Variants in LGSN observed in about 807,000 individuals in gnomAD.
LGSN encodes the protein lengsin, lens protein with glutamine synthetase domain.
A neutral mutation model predicts 19.5 loss-of-function variants in LGSN; 21 were observed. The observed-to-expected ratio is 1.07, with a 90% CI of 0.76 to 1.55. The LOEUF is 1.55. Among genes scored for constraint, LGSN ranks in the 40% most tolerant of loss-of-function variants. The pLI is 0.00. For missense variants in LGSN, 673 were observed against 608.5 expected, an observed-to-expected ratio of 1.11 and a Z score of -1.12; for synonymous variants, 257 against 215.6, an observed-to-expected ratio of 1.19 and a Z score of -1.68.
At chr6:63,572,832 C>T in the LGSN span, 2 of 395,246 alleles carry the variant, frequency 5.1e-6, no homozygotes, top group Admixed American at 4.4e-5. Context: ...CCCCGGGTTG[C>T]GGTTCCGGTG....
chr6:63,291,456 C>G (rs1012617093), intron 2 of LGSN, among the ~76,000 whole-genome samples: 1 of 152,050 alleles, frequency 6.6e-6, no homozygotes, highest in African/African-American at 2.4e-5. Flanking sequence ...ATGACTTTCC[C>G]CTGGAGTTCG....
At chr6:63,466,483 T>C in the LGSN span, among the ~76,000 whole-genome samples, 1 of 152,246 alleles carries the variant, frequency 6.6e-6, no homozygotes, top group East Asian at 1.9e-4. Context: ...CTGGCTACTG[T>C]GGAGAATAGG....
chr6:63,572,295 G>C, the LGSN span: 2 of 198,266 alleles, frequency 1.0e-5, no homozygotes, highest in Non-Finnish European at 2.0e-5. Context: ...GGGATGCTCC[G>C]ACTCGGCGCT....
the LGSN span, among the ~76,000 whole-genome samples, chr6:63,490,533 A>T: frequency 1.2e-3 from 180 of 152,280 alleles, 1 homozygote; most frequent in Middle Eastern, 0.02. Context: ...CCAAAGAAAC[A>T]GATCCAAAAG....
the LGSN span, among the ~76,000 whole-genome samples, chr6:63,393,037 C>T: frequency 2.6e-5 from 4 of 151,796 alleles, no homozygotes; most frequent in Admixed American, 2.6e-4. Context: ...CAGGCGCCCA[C>T]CACCACGCCC....
rs1416670023 is a variant in LGSN at position 63,280,248 on chromosome 6, T to G, written c.1303A>C (p.Asn435His). Reference sequence around the variant, plus strand: ...TCATCTGGACCAGCCAAGACCTCATTACTGCTATGAAGTCCATCTAAGCCG... The same window carrying G: ...TCATCTGGACCAGCCAAGACCTCATGACTGCTATGAAGTCCATCTAAGCCG... ...AAGLDGLHSSNEVLAGPDEST... is the reference protein window; with the variant it reads ...AAGLDGLHSSHEVLAGPDEST... Residue 435 changes from asparagine (N) to histidine (H), a missense_variant, in exon 4 of 4, where the codon AAT becomes CAT. Transcript: ENST00000370657. 7.4e-6 allele frequency: 12 copies of G among 1,614,224 alleles called. No homozygotes were observed. Among genetic ancestry groups the G allele is most frequent in the Non-Finnish European group, 1.0e-5 (12 of 1,180,026 alleles).
chr6:63,317,500 C>T lies in LGSN; in HGVS notation c.30+2414G>A, dbSNP rs73761820. ...TTCTTAAATGGAGAGCTAGTTGATA[C>T]ACTGGAAGTAGGTAAGTTTGAGGTA... is the stretch of plus-strand genomic sequence containing the variant. On this transcript the variant is annotated intron_variant, in intron 1 of 3. Transcript: ENST00000370657. 4.0e-3 allele frequency among the ~76,000 whole-genome samples: 607 copies of T among 152,290 alleles called. 4 individuals are homozygous for T. Among genetic ancestry groups the T allele is most frequent in the African/African-American group, 0.014 (578 of 41,574 alleles).
chr6:63,280,713 C>A lies in LGSN; in HGVS notation c.838G>T (p.Asp280Tyr), dbSNP rs1433175300. ...FLPEFGISSA[D>Y]NAFTLRTGVK... ...CCTGTTCTGAGGGTAAATGCATTAT[C>A]AGCTGAGCTAATGCCAAATTCAGGC... is the stretch of plus-strand genomic sequence containing the variant. Residue 280 changes from aspartate to tyrosine, a missense_variant, in exon 4 of 4, where the codon GAT becomes TAT. Asp to Tyr is a radical substitution (Grantham distance 160). Coordinates refer to ENST00000370657, the MANE Select transcript of LGSN (RefSeq NM_016571.3). The A allele has an allele frequency of 3.1e-6, 5 of 1,614,116 alleles. No homozygotes were observed. Among genetic ancestry groups the A allele is most frequent in the Non-Finnish European group, 3.4e-6 (4 of 1,180,024 alleles).
the LGSN span, among the ~76,000 whole-genome samples, chr6:63,373,971 G>A: frequency 7.9e-5 from 12 of 152,028 alleles, no homozygotes; most frequent in Admixed American, 1.3e-4. Flanking sequence ...CGGGGGAGTG[G>A]CATCCATGGG....
At chr6:63,519,307 C>CA in the LGSN span, among the ~76,000 whole-genome samples, 35 of 140,770 alleles carry the variant, frequency 2.5e-4, no homozygotes, top group South Asian at 4.5e-4. Flanking sequence ...AACTCTGTCT[C>CA]AAAAAAAAAA....
the LGSN span, among the ~76,000 whole-genome samples, chr6:63,362,710 G>T: frequency 6.6e-6 from 1 of 152,210 alleles, no homozygotes; most frequent in African/African-American, 2.4e-5. Flanking sequence ...AGGTCGAACT[G>T]GGTGGAGCCC....
At chr6:63,449,932 T>A in the LGSN span, among the ~76,000 whole-genome samples, 1 of 152,130 alleles carries the variant, frequency 6.6e-6, no homozygotes, top group African/African-American at 2.4e-5. Flanking sequence ...AAACATACCC[T>A]TTTTAGGGAA....
At chr6:63,506,792 T>C in the LGSN span, among the ~76,000 whole-genome samples, 1 of 152,136 alleles carries the variant, frequency 6.6e-6, no homozygotes, top group South Asian at 2.1e-4. Context: ...ACTGAACATA[T>C]ATTGTTGCTC....
chr6:63,506,542 C>T, the LGSN span, among the ~76,000 whole-genome samples: 3 of 152,206 alleles, frequency 2.0e-5, no homozygotes, highest in Non-Finnish European at 4.4e-5. Context: ...GGATTACAGG[C>T]ATGAGCCACT....
chr6:63,433,672 T>A, the LGSN span, among the ~76,000 whole-genome samples: 1 of 152,212 alleles, frequency 6.6e-6, no homozygotes, highest in African/African-American at 2.4e-5. Context: ...CACACAGACA[T>A]TTAAGGCTTA....
At chr6:63,555,696 T>C in the LGSN span, among the ~76,000 whole-genome samples, 1 of 149,938 alleles carries the variant, frequency 6.7e-6, no homozygotes, top group African/African-American at 2.5e-5. Context: ...TACACTCTTT[T>C]TTTTTTTTTT....
chr6:63,414,075 C>G, the LGSN span, among the ~76,000 whole-genome samples: 1 of 152,152 alleles, frequency 6.6e-6, no homozygotes, highest in Non-Finnish European at 1.5e-5. Flanking sequence ...CTTCCTCTCC[C>G]ATGTTCTGCT....
chr6:63,549,007 CA>C, the LGSN span: 1 of 729,204 alleles, frequency 1.4e-6, no homozygotes. Flanking sequence ...GGCAAGAAGA[CA>C]ACCAGCTCGA....
the LGSN span, among the ~76,000 whole-genome samples, chr6:63,513,910 CAAAAA>C: frequency 9.4e-5 from 1 of 10,682 alleles, no homozygotes; most frequent in Admixed American, 1.2e-3. Context: ...GACTTCATCT[CAAAAA>C]AAAAAAAAAA....
Sources: gnomAD v4.1 joint callset for allele counts (sites outside exome capture counted in the v4.1 genomes callset) on GRCh38, gnomAD v4.1.1 for gene constraint, MANE v1.5 for transcripts, NCBI Gene and HGNC (gene_info 2026-07-23, HGNC 2026-07-21) for gene names.